The following IFT140 variants were observed in gnomAD, a reference collection of about 807,000 sequenced individuals.
The protein encoded by IFT140 is intraflagellar transport 140.
Under a neutral mutation model 164.6 loss-of-function variants are expected in IFT140, and 133 were observed. The ratio of observed to expected loss-of-function variants is 0.81; its 90% CI spans 0.70 to 0.93. The LOEUF (loss-of-function observed/expected upper bound fraction) is 0.93, where lower values mean the gene tolerates loss of function less well. Among genes scored for constraint, IFT140 ranks in the 40% least tolerant of loss-of-function variants. The pLI, the probability that IFT140 is intolerant of heterozygous loss-of-function variation, is 0.00. For synonymous variants in IFT140, 860 were observed against 817.3 expected (o/e 1.05, Z -0.89); for missense variants, 2,045 against 1,972.3 (o/e 1.04, Z -0.70).
Position 1,571,484 on chromosome 16 carries a change from G to A in IFT140, c.1575C>T (p.Cys525=). The A allele has an allele frequency of 6.2e-7, 1 of 1,614,092 alleles. No homozygotes were observed. The highest frequency in any genetic ancestry group is 8.5e-7 in the Non-Finnish European group (1 of 1,179,932). Reference sequence around the variant, plus strand: ...GGAAATTCCCACAGATGTCCAAGAAGCAGGGATTCCCCTCAGTCTCCGAGA... The same window carrying A: ...GGAAATTCCCACAGATGTCCAAGAAACAGGGATTCCCCTCAGTCTCCGAGA... The part of the protein sequence containing the change: ...LLFSETEGNP[C]FLDICGNFLV... Residue 525 remains cysteine, a synonymous_variant, in exon 14 of 31, where the codon TGC becomes TGT. Coordinates refer to ENST00000426508, the MANE Select transcript of IFT140 (RefSeq NM_014714.4).
chr16:1,529,876 C>T (rs953866839), intron 19 of IFT140, among the ~76,000 whole-genome samples: 1 of 152,138 alleles, frequency 6.6e-6, no homozygotes. Context: ...AAATGATGCA[C>T]GTGGAGTGCA....
rs537912708 is a variant in IFT140, at chr16:1,544,026, T to C, written c.2399+13909A>G. 2.0e-5 allele frequency among the ~76,000 whole-genome samples: 3 copies of C among 151,982 alleles called. No homozygotes were observed. The South Asian group carries it at 6.2e-4, about 32-fold the overall frequency. ...CAATGGATCACTACATTTCTTTTTTTTTTTTTTTTGAGATGGAGTCTTGCT... is the reference window on the plus strand; with the variant it reads ...CAATGGATCACTACATTTCTTTTTTCTTTTTTTTTGAGATGGAGTCTTGCT... On this transcript the variant is annotated intron_variant, in intron 19 of 30. Coordinates refer to ENST00000426508, the MANE Select transcript of IFT140 (RefSeq NM_014714.4).
At chr16:1,573,937 C>T (rs1596389881) in intron 13 of IFT140, among the ~76,000 whole-genome samples, 1 of 152,286 alleles carries the variant, frequency 6.6e-6, no homozygotes, top group South Asian at 2.1e-4. Context: ...GGATCAGGCC[C>T]CCAGAGACCT....
chr16:1,553,531 T>TC lies in IFT140; in HGVS notation c.2399+4403dup, dbSNP rs765834523. The TC allele has an allele frequency of 9.0e-6, 9 of 995,802 alleles. No homozygotes were observed. The highest frequency in any genetic ancestry group is 5.2e-5 in the African/African-American group (3 of 57,436). 61.7% of individuals were successfully genotyped at this position (995,802 alleles called of 1,614,324 possible). On this transcript the variant is annotated intron_variant, in intron 19 of 30. Transcript: ENST00000426508. This position sits in a 1 kb window ranked among gnomAD's most constrained non-coding sequence, Gnocchi z 4.4. Reference sequence around the variant, plus strand: ...GAGCCTGGGGAGGGACATGGACAAGTCCTCTATGGACAAGAGGGGCTGGAG... The same window carrying TC: ...GAGCCTGGGGAGGGACATGGACAAGTCCCTCTATGGACAAGAGGGGCTGGAG...
intron 20 of IFT140, 123 bp from the exon 21 acceptor site, chr16:1,526,200 G>A: frequency 2.2e-6 from 2 of 916,796 alleles, no homozygotes; most frequent in East Asian, 2.7e-5. Flanking sequence ...TGACACACGG[G>A]GCCGCTGTGG....
intron 30 of IFT140, among the ~76,000 whole-genome samples, chr16:1,513,906 C>T (rs532096063): frequency 2.0e-4 from 29 of 146,642 alleles, no homozygotes; most frequent in African/African-American, 5.6e-4. Flanking sequence ...ATCTCCTGAC[C>T]TCATGATCTG....
At position 1,610,714 on chromosome 16, in the gene IFT140, G is replaced by A. The variant is rs917546765; in HGVS notation, c.-82C>T. On this transcript the variant is annotated 5_prime_UTR_variant, in exon 2 of 31. Coordinates refer to ENST00000426508, the MANE Select transcript of IFT140 (RefSeq NM_014714.4). Reference sequence around the variant, plus strand: ...GCGTTGCCGGGACAACGGCGCGCCAGGAACGCGGAAATAGCCGAAGGTGAG... The same window carrying A: ...GCGTTGCCGGGACAACGGCGCGCCAAGAACGCGGAAATAGCCGAAGGTGAG... 1 of 153,112 alleles carries A rather than the reference G, an allele frequency of 6.5e-6. No homozygotes were observed. The highest frequency in any genetic ancestry group is 1.5e-5 in the Non-Finnish European group (1 of 68,218). 9.5% of individuals were successfully genotyped at this position (153,112 alleles called of 1,614,324 possible). A position where few individuals can be genotyped will look rare whatever the true frequency, so the allele number is the denominator to read the frequency against.
chr16:1,553,657 G>C lies in IFT140; in HGVS notation c.2399+4278C>G. 1 of 1,067,786 alleles carries C rather than the reference G, an allele frequency of 9.4e-7. No individual in the cohort carries two copies. Among genetic ancestry groups the C allele is most frequent in the Non-Finnish European group, 1.1e-6 (1 of 876,518 alleles). The allele number at this position is 1,067,786 out of a possible 1,614,324, so 66.1% of individuals were successfully genotyped here. On this transcript the variant is annotated intron_variant, in intron 19 of 30. Coordinates refer to ENST00000426508, the MANE Select transcript of IFT140 (RefSeq NM_014714.4). The surrounding 1 kb of genome is among the most constrained non-coding windows in gnomAD (Gnocchi z 4.4). Reference sequence around the variant, plus strand: ...CTGTAACAGAGAGGGAGGGGTGCTGGGTGGGCAGAAGCGGGGCTGGGGCTG... The same window carrying C: ...CTGTAACAGAGAGGGAGGGGTGCTGCGTGGGCAGAAGCGGGGCTGGGGCTG...
At chr16:1,580,175 G>T (rs1332577027) in intron 13 of IFT140, 4 of 152,344 alleles carry the variant, frequency 2.6e-5, no homozygotes, top group African/African-American at 4.8e-5. Context: ...ACTGCAAAAG[G>T]TCCTTGCCTT....
chr16:1,530,771 T>G (rs2030390904), intron 19 of IFT140: 1 of 149,924 alleles, frequency 6.7e-6, no homozygotes, highest in African/African-American at 2.5e-5. Flanking sequence ...TTGCTCTGGT[T>G]CCTGGGGCCC....
At chr16:1,608,084 A>G (rs1410673799) in intron 2 of IFT140, among the ~76,000 whole-genome samples, 1 of 142,626 alleles carries the variant, frequency 7.0e-6, no homozygotes, top group African/African-American at 2.7e-5. Context: ...GGTAGAAGAC[A>G]GAAGTCTTCC....
intron 13 of IFT140, chr16:1,579,095 T>C (rs879668847): frequency 3.3e-5 from 5 of 152,246 alleles, no homozygotes; most frequent in Non-Finnish European, 5.9e-5. Flanking sequence ...ACGTAAGCAG[T>C]TGATTGACAC....
At chr16:1,555,131 C>T (rs1403537213) in intron 19 of IFT140, 26 of 1,409,088 alleles carry the variant, frequency 1.8e-5, no homozygotes, top group South Asian at 5.5e-5. Flanking sequence ...TGCAGAGGCA[C>T]GGGATGAGTC....
In IFT140 at chr16:1,564,468, CT is replaced by C. The variant is rs2033602864; in HGVS notation, c.1902-307del. ...CCCCAAAGCAAAAGGGACCCTTTTC[CT>C]TTTCCAGGACCAGCAGGCCAACCTC... On this transcript the variant is annotated intron_variant, in intron 16 of 30. Transcript: ENST00000426508. This position sits in a 1 kb window ranked among gnomAD's most constrained non-coding sequence, Gnocchi z 5.5. 6.6e-6 allele frequency among the ~76,000 whole-genome samples: 1 copy of C among 152,176 alleles called. No homozygotes were observed. The highest frequency in any genetic ancestry group is 1.5e-5 in the Non-Finnish European group (1 of 68,040).
intron 6 of IFT140, among the ~76,000 whole-genome samples, chr16:1,591,428 C>T (rs934602598): frequency 7.9e-5 from 12 of 152,202 alleles, no homozygotes; most frequent in Non-Finnish European, 1.2e-4. Context: ...CCACACAGCC[C>T]CGTCTGCTCT....
intron 4 of IFT140, among the ~76,000 whole-genome samples, chr16:1,600,314 G>T (rs1282915954): frequency 1.4e-5 from 2 of 142,418 alleles, no homozygotes; most frequent in African/African-American, 5.3e-5. Context: ...CACAAACACT[G>T]CGGAAGGCCG....
intron 19 of IFT140, among the ~76,000 whole-genome samples, chr16:1,540,236 G>C (rs1355566256): frequency 1.3e-5 from 2 of 152,250 alleles, no homozygotes; most frequent in African/African-American, 4.8e-5. Flanking sequence ...CTCGGCTCCA[G>C]AGCTTTGAGG....
chr16:1,600,824 C>T (rs977544123), intron 4 of IFT140, among the ~76,000 whole-genome samples: 15 of 151,360 alleles, frequency 9.9e-5, no homozygotes, highest in African/African-American at 3.6e-4. Context: ...GAGACAAACA[C>T]AGCCAACTTG....
In IFT140 at chr16:1,594,212, A is replaced by T. The variant is rs556537993; in HGVS notation, c.370-1624T>A. On this transcript the variant is annotated intron_variant, in intron 4 of 30. Coordinates refer to ENST00000426508, the MANE Select transcript of IFT140 (RefSeq NM_014714.4). ...CTAAGATTACCTAGGTTCATTTTAT[A>T]AAAAAAGTTTTTTGTTTTTTTTTTT... is the stretch of plus-strand genomic sequence containing the variant. Among the ~76,000 whole-genome samples the T allele has an allele frequency of 2.6e-5, 4 of 151,306 alleles. No individual in the cohort carries two copies. The East Asian group carries it at 7.8e-4, about 29-fold the overall frequency.
Sources: allele counts gnomAD v4.1 joint callset (sites outside exome capture counted in the v4.1 genomes callset), GRCh38; gene constraint gnomAD v4.1.1; non-coding constraint Gnocchi (gnomAD v3.1); transcripts MANE v1.5; gene names NCBI Gene and HGNC (gene_info 2026-07-23, HGNC 2026-07-21).